AGPAT3: variants seen among roughly 807,000 people sequenced by gnomAD.
The protein encoded by AGPAT3 is 1-acylglycerol-3-phosphate O-acyltransferase 3, also known as 1-acyl-sn-glycerol-3-phosphate acyltransferase gamma.
AGPAT3 carries 5 observed loss-of-function variants against 47.3 expected under a neutral mutation model. That is an observed-to-expected ratio of 0.11 (90% confidence interval 0.06 to 0.22). The LOEUF is 0.22. Ranked by LOEUF, AGPAT3 falls within the 10% of genes least tolerant of loss-of-function variation. The probability of loss-of-function intolerance (pLI) is 1.00; values close to 1 mark genes in which losing one functional copy is unlikely to be tolerated. For missense variants in AGPAT3, 315 were observed against 493.0 expected (o/e 0.64, Z 3.42); for synonymous variants, 212 against 208.3 (o/e 1.02, Z -0.15).
At chr21:43,949,256 C>T (rs905075167) in intron 2 of AGPAT3, among the ~76,000 whole-genome samples, 6 of 152,168 alleles carry the variant, frequency 3.9e-5, no homozygotes, top group Non-Finnish European at 7.3e-5. Context: ...TTAAAACAAC[C>T]ATCATGTCGG....
chr21:43,911,815 C>A (rs1230347501), intron 2 of AGPAT3, among the ~76,000 whole-genome samples: 2 of 152,194 alleles, frequency 1.3e-5, no homozygotes, highest in Non-Finnish European at 2.9e-5. Flanking sequence ...AAGTGCAGGC[C>A]AGCAGAGACG....
intron 1 of AGPAT3, among the ~76,000 whole-genome samples, chr21:43,891,242 A>T (rs1240120516): frequency 2.0e-5 from 3 of 152,220 alleles, no homozygotes; most frequent in Non-Finnish European, 4.4e-5. Context: ...AAGTTTATGT[A>T]ACACTCTGGA....
At chr21:43,964,472 A>T (rs375791515) in intron 3 of AGPAT3, among the ~76,000 whole-genome samples, 21 of 152,096 alleles carry the variant, frequency 1.4e-4, no homozygotes, top group African/African-American at 5.1e-4. Context: ...CTGGGATTAC[A>T]GGCGGGAGCG....
Position 43,955,983 on chromosome 21 carries a change from C to T in AGPAT3, c.-48-3651C>T, listed in dbSNP as rs2088438968. Among the ~76,000 whole-genome samples, 1 of 152,076 alleles carries T rather than the reference C, an allele frequency of 6.6e-6. No individual in the cohort carries two copies. The highest frequency in any genetic ancestry group is 1.5e-5 in the Non-Finnish European group (1 of 68,042). On this transcript the variant is annotated intron_variant, in intron 2 of 9. Transcript: ENST00000291572. This position sits in a 1 kb window ranked among gnomAD's most constrained non-coding sequence, Gnocchi z 4.1. The stretch of plus-strand genomic sequence containing the variant: ...GTCTGCTGTGGAGCCCGGGCATCTG[C>T]TTCTCGGAGCATCACAGCTGATGTG...
intron 2 of AGPAT3, 67 bp from the exon 3 acceptor site, chr21:43,959,567 G>A (rs1399012563): frequency 3.5e-6 from 5 of 1,439,660 alleles, no homozygotes; most frequent in Non-Finnish European, 4.8e-6. Context: ...AGTGAGCAGT[G>A]CCCCGGTGTT....
rs919465915 is a variant in AGPAT3, at chr21:43,980,970, T to C, written c.844-19T>C. 2 of 1,607,178 alleles carry C rather than the reference T, an allele frequency of 1.2e-6. No individual in the cohort carries two copies. The highest frequency in any genetic ancestry group is 1.7e-4 in the Middle Eastern group (1 of 6,046). On this transcript the variant is annotated intron_variant, in intron 8 of 9. Coordinates refer to ENST00000291572, the MANE Select transcript of AGPAT3 (RefSeq NM_020132.5). ...GTAAAGAAGCCTCACGCTTCCTTTT[T>C]CTCTGTTGACTCTTCTAGGACGCGC...
intron 2 of AGPAT3, among the ~76,000 whole-genome samples, chr21:43,931,136 G>A (rs992541466): frequency 6.6e-6 from 1 of 152,186 alleles, no homozygotes; most frequent in South Asian, 2.1e-4. Context: ...GGCGGACACT[G>A]GATGAGGGGG....
At chr21:43,884,317 C>T (rs898515091) in intron 1 of AGPAT3, among the ~76,000 whole-genome samples, 1 of 146,758 alleles carries the variant, frequency 6.8e-6, no homozygotes, top group Non-Finnish European at 1.5e-5. Context: ...GGCATTTGGC[C>T]TCATAGATAA....
At chr21:43,977,382 G>C (rs192585035) in intron 7 of AGPAT3, among the ~76,000 whole-genome samples, 1 of 152,156 alleles carries the variant, frequency 6.6e-6, no homozygotes, top group Non-Finnish European at 1.5e-5. Flanking sequence ...CAGAACTCTC[G>C]GGAGCGCACA....
intron 1 of AGPAT3, among the ~76,000 whole-genome samples, chr21:43,886,900 T>C (rs8127731): frequency 0.11 from 17,503 of 152,288 alleles, 2,039 homozygotes; most frequent in African/African-American, 0.3. Flanking sequence ...CAGTGCTAAA[T>C]GAACATGGAA....
At chr21:43,871,628 A>T (rs2085626413) in intron 1 of AGPAT3, among the ~76,000 whole-genome samples, 1 of 152,220 alleles carries the variant, frequency 6.6e-6, no homozygotes, top group Non-Finnish European at 1.5e-5. Context: ...GTCTTGATTT[A>T]CGCCTGCCTG....
intron 1 of AGPAT3, among the ~76,000 whole-genome samples, chr21:43,889,188 A>G (rs2086047894): frequency 6.6e-6 from 1 of 151,884 alleles, no homozygotes; most frequent in Admixed American, 6.6e-5. Flanking sequence ...ATCTCCAACA[A>G]GCATGGGACT....
chr21:43,948,153 G>A (rs1183915201), intron 2 of AGPAT3: 1 of 152,174 alleles, frequency 6.6e-6, no homozygotes, highest in Non-Finnish European at 1.5e-5. Context: ...GCCTCTTGAA[G>A]AGGGCAGCTG....
chr21:43,887,228 G>A (rs1159763845), intron 1 of AGPAT3, among the ~76,000 whole-genome samples: 1 of 152,204 alleles, frequency 6.6e-6, no homozygotes, highest in Non-Finnish European at 1.5e-5. Context: ...CTGTTGAGCT[G>A]CAATGGCCCC....
chr21:43,916,262 TTTG>T (rs2086726603), intron 2 of AGPAT3: 1 of 152,150 alleles, frequency 6.6e-6, no homozygotes, highest in African/African-American at 2.4e-5. Context: ...CTTCTTTAAT[TTTG>T]TTGTTTATAT....
Position 43,967,717 on chromosome 21 carries a change from G to A in AGPAT3, c.179-229G>A, listed in dbSNP as rs2089198694. The A allele has an allele frequency of 9.5e-6, 5 of 526,660 alleles. No homozygotes were observed. In the Admixed American group the frequency reaches 1.7e-4, roughly 18 times the overall value. 32.6% of individuals were successfully genotyped at this position (526,660 alleles called of 1,614,324 possible). On this transcript the variant is annotated intron_variant, in intron 3 of 9. Coordinates refer to ENST00000291572, the MANE Select transcript of AGPAT3 (RefSeq NM_020132.5). ...AAAGATCAGCGTCTCCATGCAGAGT[G>A]GCGGTTCTCTCCCTTTCTGCTGCTA...
intron 1 of AGPAT3, among the ~76,000 whole-genome samples, chr21:43,874,444 C>T (rs2085690189): frequency 6.6e-6 from 1 of 152,196 alleles, no homozygotes; most frequent in Non-Finnish European, 1.5e-5. Context: ...ATTATTCTTC[C>T]ATGACCCATG....
At chr21:43,973,682 C>T (rs1313219557) in intron 7 of AGPAT3, among the ~76,000 whole-genome samples, 1 of 152,266 alleles carries the variant, frequency 6.6e-6, no homozygotes. Context: ...TCACTCACCG[C>T]TTCGCTGTTT....
intron 2 of AGPAT3, chr21:43,916,452 C>CT (rs2086731863): frequency 1.3e-5 from 2 of 151,516 alleles, no homozygotes; most frequent in Non-Finnish European, 1.5e-5. Flanking sequence ...TATATCTGCT[C>CT]TAAGAATTTT....
Sources: gnomAD v4.1 joint callset for allele counts (sites outside exome capture counted in the v4.1 genomes callset) on GRCh38, gnomAD v4.1.1 for gene constraint, Gnocchi (gnomAD v3.1) non-coding constraint, MANE v1.5 for transcripts, NCBI Gene and HGNC (gene_info 2026-07-23, HGNC 2026-07-21) for gene names.